Variants in PGBD5 observed in about 807,000 individuals in gnomAD.
The protein encoded by PGBD5 is piggyBac transposable element-derived protein 5.
In PGBD5, 14 loss-of-function variants were observed where a neutral mutation model predicts 47.9. The observed-to-expected ratio is 0.29, with a 90% confidence interval of 0.19 to 0.46. The LOEUF (loss-of-function observed/expected upper bound fraction) is 0.46, where lower values mean the gene tolerates loss of function less well. Ranked by LOEUF, PGBD5 falls within the 20% of genes least tolerant of loss-of-function variation. PGBD5 has a pLI of 1.00. For missense variants in PGBD5, 635 were observed against 716.0 expected (o/e 0.89, Z 1.29); for synonymous variants, 316 against 306.3 (o/e 1.03, Z -0.33).
chr1:230,420,865 C>T (rs1571867827), intron 1 of PGBD5, among the ~76,000 whole-genome samples: 1 of 152,030 alleles, frequency 6.6e-6, no homozygotes, highest in African/African-American at 2.4e-5. Context: ...AAGAAAAAAA[C>T]ATACAATCAC....
chr1:230,357,432 G>T lies in PGBD5; in HGVS notation c.332-111C>A. The T allele has an allele frequency of 8.6e-7, 1 of 1,164,550 alleles. No homozygotes were observed. The highest frequency in any genetic ancestry group is 2.6e-5 in the East Asian group (1 of 39,074). The allele number at this position is 1,164,550 out of a possible 1,614,324, so 72.1% of individuals were successfully genotyped here. Reference sequence around the variant, plus strand: ...GGGTCCCTGGCCGAGTGCCCCCGCTGCCTCCAGTGCTACCGCCTTCCCCTC... The same window carrying T: ...GGGTCCCTGGCCGAGTGCCCCCGCTTCCTCCAGTGCTACCGCCTTCCCCTC... On this transcript the variant is annotated intron_variant, in intron 1 of 6. Transcript: ENST00000391860. This position sits in a 1 kb window ranked among gnomAD's most constrained non-coding sequence, Gnocchi z 5.7.
At chr1:230,421,480 G>A (rs954155702) in intron 1 of PGBD5, among the ~76,000 whole-genome samples, 2 of 152,180 alleles carry the variant, frequency 1.3e-5, no homozygotes, top group East Asian at 1.9e-4. Flanking sequence ...GGAAAGTGAA[G>A]GCAGCAACTT....
Position 230,323,490 on chromosome 1 carries a change from C to G in PGBD5, c.1510G>C (p.Ala504Pro). Residue 504 changes from alanine to proline, a missense_variant, in exon 7 of 7, where the codon GCG becomes CCG. By Grantham distance (27) the Ala-to-Pro change is conservative (BLOSUM62 -1). Transcript: ENST00000391860. This position sits in a 1 kb window ranked among gnomAD's most constrained non-coding sequence, Gnocchi z 4.1. Reference protein sequence around the residue: ...DAYHVKRYSRAQFGERLVREL... With the variant: ...DAYHVKRYSRPQFGERLVREL... ...CTGACGAGTCTCTCTCCAAACTGCG[C>G]CCGGCTGTACCTCTTCACGTGGTAG... 6.2e-7 allele frequency: 1 copy of G among 1,614,192 alleles called. No individual in the cohort carries two copies. Among genetic ancestry groups the G allele is most frequent in the Non-Finnish European group, 8.5e-7 (1 of 1,180,038 alleles).
At chr1:230,354,688 G>T (rs1667607963) in intron 2 of PGBD5, among the ~76,000 whole-genome samples, 1 of 152,002 alleles carries the variant, frequency 6.6e-6, no homozygotes. Flanking sequence ...CTGGGCTACA[G>T]CCTTCTCTGC....
rs530392668 is a variant in PGBD5 at position 230,329,565 on chromosome 1, G to A, written c.1273+3279C>T. Among the ~76,000 whole-genome samples the A allele has an allele frequency of 2.2e-4, 33 of 152,328 alleles. No homozygotes were observed. In the South Asian group the frequency reaches 6.8e-3, roughly 32 times the overall value. ...CTTGCTCTGTCGGCCAGGCTGGAGT[G>A]CAGTGGCACAATCTCGGCTCACTGC... On this transcript the variant is annotated intron_variant, in intron 5 of 6. Transcript: ENST00000391860.
At chr1:230,346,587 A>G (rs1183496831) in intron 3 of PGBD5, among the ~76,000 whole-genome samples, 1 of 152,154 alleles carries the variant, frequency 6.6e-6, no homozygotes, top group Non-Finnish European at 1.5e-5. Flanking sequence ...CCTGAGCCCT[A>G]CCTTATAAAT....
intron 1 of PGBD5, among the ~76,000 whole-genome samples, chr1:230,359,413 A>T (rs79611192): frequency 1.3e-5 from 2 of 152,344 alleles, no homozygotes; most frequent in African/African-American, 4.8e-5. Flanking sequence ...GATTTTAATC[A>T]TCACTCTCTC....
At chr1:230,413,581 A>G (rs951799338) in intron 1 of PGBD5, among the ~76,000 whole-genome samples, 1 of 152,240 alleles carries the variant, frequency 6.6e-6, no homozygotes, top group Non-Finnish European at 1.5e-5. Flanking sequence ...ATAAAAAAGC[A>G]AATGCAATGG....
chr1:230,388,233 G>A (rs1200590986), intron 1 of PGBD5, among the ~76,000 whole-genome samples: 9 of 152,158 alleles, frequency 5.9e-5, no homozygotes, highest in African/African-American at 1.2e-4. Flanking sequence ...GGACGAGAGC[G>A]GACACGCCTT....
In PGBD5 at chr1:230,357,423, G is replaced by T; in HGVS notation, c.332-102C>A. 7.9e-7 allele frequency: 1 copy of T among 1,269,014 alleles called. No individual in the cohort carries two copies. Among genetic ancestry groups the T allele is most frequent in the Non-Finnish European group, 1.1e-6 (1 of 918,802 alleles). 78.6% of individuals were successfully genotyped at this position (1,269,014 alleles called of 1,614,324 possible). A position where few individuals can be genotyped will look rare whatever the true frequency, so the allele number is the denominator to read the frequency against. On this transcript the variant is annotated intron_variant, in intron 1 of 6. Transcript: ENST00000391860. The surrounding 1 kb of genome is among the most constrained non-coding windows in gnomAD (Gnocchi z 5.7). Reference sequence around the variant, plus strand: ...CCAATCCCTGGGTCCCTGGCCGAGTGCCCCCGCTGCCTCCAGTGCTACCGC... The same window carrying T: ...CCAATCCCTGGGTCCCTGGCCGAGTTCCCCCGCTGCCTCCAGTGCTACCGC...
In PGBD5 at chr1:230,315,623, T is replaced by C. The variant is rs1444901573; in HGVS notation, c.*7802A>G. ...AGGACTGGACATGTGGTTTGATTGC[T>C]AAGGACCTAGCAGAGGCTCATCATG... On this transcript the variant is annotated 3_prime_UTR_variant, in exon 7 of 7. Transcript: ENST00000391860. The C allele has an allele frequency of 6.6e-6, 1 of 151,892 alleles. No homozygotes were observed. Among genetic ancestry groups the C allele is most frequent in the Non-Finnish European group, 1.5e-5 (1 of 67,954 alleles). 9.4% of individuals were successfully genotyped at this position (151,892 alleles called of 1,614,324 possible).
chr1:230,406,004 T>C (rs1657289591), intron 1 of PGBD5, among the ~76,000 whole-genome samples: 2 of 152,360 alleles, frequency 1.3e-5, no homozygotes, highest in South Asian at 2.1e-4. Context: ...TAGGATTCTT[T>C]ACAGTTTGAA....
intron 1 of PGBD5, among the ~76,000 whole-genome samples, chr1:230,423,541 C>T (rs546920433): frequency 4.1e-4 from 62 of 152,334 alleles, no homozygotes; most frequent in African/African-American, 1.4e-3. Context: ...AGGATTTTCT[C>T]TGACCAAACC....
At chr1:230,356,156 T>C (rs888652508) in intron 2 of PGBD5, among the ~76,000 whole-genome samples, 1 of 152,292 alleles carries the variant, frequency 6.6e-6, no homozygotes, top group East Asian at 1.9e-4. Flanking sequence ...AAGAACTTCC[T>C]GGTTTGGGTT....
intron 1 of PGBD5, among the ~76,000 whole-genome samples, chr1:230,396,190 AC>A (rs1171255640): frequency 2.5e-4 from 13 of 52,736 alleles, no homozygotes; most frequent in South Asian, 9.0e-4. Flanking sequence ...ATTCCTTTTT[AC>A]CCCCCCACTC....
At position 230,425,598 on chromosome 1, in the gene PGBD5, C is replaced by T; in HGVS notation, c.331G>A (p.Gly111Ser). 3 of 1,219,406 alleles carry T rather than the reference C, an allele frequency of 2.5e-6. No individual in the cohort carries two copies. Among genetic ancestry groups the T allele is most frequent in the Non-Finnish European group, 3.1e-6 (3 of 980,110 alleles). The allele number at this position is 1,219,406 out of a possible 1,614,324, so 75.5% of individuals were successfully genotyped here. Residue 111 changes from glycine to serine, a missense_variant and splice_region_variant, in exon 1 of 7, where the codon GGT (glycine) becomes AGT (serine). Coordinates refer to ENST00000391860, the MANE Select transcript of PGBD5 (RefSeq NM_001258311.2). The surrounding 1 kb of genome is among the most constrained non-coding windows in gnomAD (Gnocchi z 4.7). ...CATCCACCCGCGGGCAGCCCCTTAC[C>T]GCCGGTATCCTCGAAGCGCGGGGGC... Reference protein sequence around the residue: ...RPPPRFEDTGGPTRKMPPSAS... With the variant: ...RPPPRFEDTGSPTRKMPPSAS...
rs1231207450 is a variant in PGBD5 at position 230,318,527 on chromosome 1, T to C, written c.*4898A>G. 1 of 152,298 alleles carries C rather than the reference T, an allele frequency of 6.6e-6. No individual in the cohort carries two copies. The highest frequency in any genetic ancestry group is 1.5e-5 in the Non-Finnish European group (1 of 68,104). 9.4% of individuals were successfully genotyped at this position (152,298 alleles called of 1,614,324 possible). On this transcript the variant is annotated 3_prime_UTR_variant, in exon 7 of 7. Transcript: ENST00000391860. ...GAGGGGGCACTGGGGACACTTTCCC[T>C]GGCCACTACCTTGTGAACTTCTGGG...
At chr1:230,373,321 C>A (rs370902872) in intron 1 of PGBD5, among the ~76,000 whole-genome samples, 1 of 152,176 alleles carries the variant, frequency 6.6e-6, no homozygotes, top group East Asian at 1.9e-4. Context: ...CCAGAGATGG[C>A]AAATAGGTTT....
intron 3 of PGBD5, among the ~76,000 whole-genome samples, chr1:230,344,697 C>A (rs1667452107): frequency 6.6e-6 from 1 of 152,172 alleles, no homozygotes; most frequent in African/African-American, 2.4e-5. Context: ...ATGATGTGTG[C>A]AGGGGGTAGG....
Sources: allele counts gnomAD v4.1 joint callset (sites outside exome capture counted in the v4.1 genomes callset), GRCh38; gene constraint gnomAD v4.1.1; non-coding constraint Gnocchi (gnomAD v3.1); transcripts MANE v1.5; gene names NCBI Gene and HGNC (gene_info 2026-07-23, HGNC 2026-07-21).